ZNF654: variants seen among roughly 807,000 people sequenced by gnomAD.
ZNF654 encodes melanoma-associated antigen.
In ZNF654, 19 loss-of-function variants were observed where a neutral mutation model predicts 95.3. The ratio of observed to expected loss-of-function variants is 0.20; its 90% CI spans 0.14 to 0.29. The LOEUF (loss-of-function observed/expected upper bound fraction) is 0.29. ZNF654 is among the 10% of genes least tolerant of loss of function. ZNF654 has a pLI of 1.00. For synonymous variants in ZNF654, 413 were observed against 457.9 expected (o/e 0.90, Z 1.25); for missense variants, 1,046 against 1,341.0 (o/e 0.78, Z 3.44).
intron 3 of ZNF654, among the ~76,000 whole-genome samples, chr3:88,118,769 A>C (rs886833927): frequency 3.2e-4 from 48 of 152,302 alleles, no homozygotes; most frequent in Middle Eastern, 3.4e-3. Context: ...TTTTCTGCTC[A>C]AATAATTCTC....
At chr3:88,097,787 G>T (rs1704152058) in intron 2 of ZNF654, among the ~76,000 whole-genome samples, 1 of 152,064 alleles carries the variant, frequency 6.6e-6, no homozygotes, top group Admixed American at 6.6e-5. Flanking sequence ...AAACCAATGA[G>T]AACAAAGACA....
intron 6 of ZNF654, among the ~76,000 whole-genome samples, chr3:88,131,727 G>A (rs537402403): frequency 7.2e-5 from 11 of 152,138 alleles, no homozygotes; most frequent in African/African-American, 1.7e-4. Flanking sequence ...TCTAAATAGC[G>A]TGGGTTATGA....
At position 88,119,279 on chromosome 3, in the gene ZNF654, G is replaced by A. The variant is rs879524517; in HGVS notation, c.414+6083G>A. 2.9e-3 allele frequency among the ~76,000 whole-genome samples: 416 copies of A among 145,454 alleles called. 1 individual carries two copies. The highest frequency in any genetic ancestry group is 4.9e-3 in the Admixed American group (71 of 14,366). ...AAATCATCATTCTCAGTAAACTATC[G>A]CAAGAACAAAAAACCAAACACTGCA... On this transcript the variant is annotated intron_variant, in intron 3 of 8. Transcript: ENST00000636215.
In ZNF654 at chr3:88,144,405, T is replaced by C. The variant is rs994434725; in HGVS notation, c.*2753T>C. 2.0e-5 allele frequency: 3 copies of C among 152,462 alleles called. No homozygotes were observed. The highest frequency in any genetic ancestry group is 2.9e-5 in the Non-Finnish European group (2 of 67,876). The allele number at this position is 152,462 out of a possible 1,614,324, so 9.4% of individuals were successfully genotyped here. ...GTTTATTTTTTAATTTATTTGGTACTGTAAAACACCTTTTCAGAATGAGTA... is the reference window on the plus strand; with the variant it reads ...GTTTATTTTTTAATTTATTTGGTACCGTAAAACACCTTTTCAGAATGAGTA... On this transcript the variant is annotated 3_prime_UTR_variant, in exon 9 of 9. Transcript: ENST00000636215.
At chr3:88,070,562 T>C (rs1327179691) in intron 1 of ZNF654, among the ~76,000 whole-genome samples, 2 of 60,704 alleles carry the variant, frequency 3.3e-5, no homozygotes, top group African/African-American at 6.0e-5. Context: ...CAACACTGCC[T>C]GTTTTTTTTT....
chr3:88,073,196 T>G (rs2107620346), intron 1 of ZNF654, among the ~76,000 whole-genome samples: 1 of 152,300 alleles, frequency 6.6e-6, no homozygotes, highest in Middle Eastern at 3.4e-3. Context: ...CACCCAGACG[T>G]ACAGAATCCG....
chr3:88,059,655 C>G, intron 1 of ZNF654, 150 bp downstream of exon 1: 1 of 1,239,572 alleles, frequency 8.1e-7, no homozygotes. Context: ...CTCCACTTAT[C>G]CGGCTTGGGG....
chr3:88,059,828 C>G (rs1463760727), intron 1 of ZNF654, among the ~76,000 whole-genome samples: 1 of 152,140 alleles, frequency 6.6e-6, no homozygotes, highest in African/African-American at 2.4e-5. Flanking sequence ...GCCCGAGAGT[C>G]CCGCCTTTCT....
rs1384635865 is a variant in ZNF654, at chr3:88,066,607, A to G, written c.186+7102A>G. ...AAAAAACAAAAAAACCTCAATTTTA[A>G]TTTTGTAGATAAAATGGCAGGAGGA... On this transcript the variant is annotated intron_variant, in intron 1 of 8. Transcript: ENST00000636215. 2.0e-5 allele frequency among the ~76,000 whole-genome samples: 3 copies of G among 152,162 alleles called. No individual in the cohort carries two copies. In the East Asian group the frequency reaches 5.8e-4, roughly 29 times the overall value.
In ZNF654 at chr3:88,144,030, C is replaced by T. The variant is rs1007497164; in HGVS notation, c.*2378C>T. The T allele has an allele frequency of 1.3e-5, 2 of 152,178 alleles. No homozygotes were observed. The highest frequency in any genetic ancestry group is 4.8e-5 in the African/African-American group (2 of 41,398). The allele number at this position is 152,178 out of a possible 1,614,324, so 9.4% of individuals were successfully genotyped here. On this transcript the variant is annotated 3_prime_UTR_variant, in exon 9 of 9. Transcript: ENST00000636215. ...TTTTCTGTTTTGAGGATGTATTCAT[C>T]CTACATGGACCAAGTTTCAAATCTT...
At chr3:88,066,430 T>C (rs1210593962) in intron 1 of ZNF654, among the ~76,000 whole-genome samples, 2 of 151,880 alleles carry the variant, frequency 1.3e-5, no homozygotes, top group African/African-American at 4.8e-5. Flanking sequence ...AAAATTTAGC[T>C]GGGTGTGGTG....
intron 2 of ZNF654, among the ~76,000 whole-genome samples, chr3:88,091,034 C>CAAA (rs1350317040): frequency 6.6e-6 from 1 of 152,164 alleles, no homozygotes; most frequent in African/African-American, 2.4e-5. Flanking sequence ...ACTATTGTTA[C>CAAA]AGTTGCCTAT....
chr3:88,130,940 A>G (rs1559730615), intron 6 of ZNF654, among the ~76,000 whole-genome samples: 2 of 152,114 alleles, frequency 1.3e-5, no homozygotes, highest in African/African-American at 4.8e-5. Flanking sequence ...TCAAATAGAG[A>G]AAGGGATTAG....
chr3:88,105,710 A>G (rs529729407), intron 2 of ZNF654, among the ~76,000 whole-genome samples: 53 of 152,288 alleles, frequency 3.5e-4, no homozygotes, highest in Admixed American at 1.0e-3. Flanking sequence ...TTTTGACTAA[A>G]CTAATAAATG....
chr3:88,083,650 A>G (rs1259351551), intron 1 of ZNF654, among the ~76,000 whole-genome samples: 7 of 152,204 alleles, frequency 4.6e-5, no homozygotes. Flanking sequence ...TGCTAGCCTT[A>G]ATCTTCTGCT....
At chr3:88,119,670 A>G (rs967766111) in intron 3 of ZNF654, among the ~76,000 whole-genome samples, 4 of 152,044 alleles carry the variant, frequency 2.6e-5, no homozygotes, top group Admixed American at 1.3e-4. Flanking sequence ...TTTTATATTT[A>G]TTTCTTTGTA....
At chr3:88,129,924 A>G (rs1706344505) in intron 6 of ZNF654, 98 bp downstream of exon 6, 1 of 1,135,798 alleles carries the variant, frequency 8.8e-7, no homozygotes, top group Non-Finnish European at 1.2e-6. Flanking sequence ...GAAAATGTCA[A>G]GCTACTTTTA....
chr3:88,117,945 TAAAA>T (rs5850829), intron 3 of ZNF654, among the ~76,000 whole-genome samples: 1 of 147,770 alleles, frequency 6.8e-6, no homozygotes, highest in Non-Finnish European at 1.5e-5. Context: ...AATAGATGAT[TAAAA>T]AAAAAAAACA....
intron 6 of ZNF654, among the ~76,000 whole-genome samples, chr3:88,130,763 C>T (rs1239786078): frequency 6.6e-6 from 1 of 151,652 alleles, no homozygotes; most frequent in East Asian, 1.9e-4. Flanking sequence ...TGGCCCTATT[C>T]TTGTTTTATA....
Sources: gnomAD v4.1 joint callset for allele counts (sites outside exome capture counted in the v4.1 genomes callset) on GRCh38, gnomAD v4.1.1 for gene constraint, MANE v1.5 for transcripts, NCBI Gene and HGNC (gene_info 2026-07-23, HGNC 2026-07-21) for gene names.